The following WDR7 variants were observed in gnomAD, a reference collection of about 807,000 sequenced individuals.
The protein encoded by WDR7 is WD repeat-containing protein 7.
A neutral mutation model predicts 169.4 loss-of-function variants in WDR7; 46 were observed. That is an observed-to-expected ratio of 0.27 (90% CI 0.21 to 0.35). The LOEUF is 0.35. Among genes scored for constraint, WDR7 ranks in the 10% least tolerant of loss-of-function variants. The probability of loss-of-function intolerance (pLI) is 1.00; values close to 1 mark genes in which losing one functional copy is unlikely to be tolerated. For missense variants in WDR7, 1,534 were observed against 1,859.3 expected, an observed-to-expected ratio of 0.83 and a Z score of 3.22; for synonymous variants, 612 against 666.8, an observed-to-expected ratio of 0.92 and a Z score of 1.27.
At position 57,028,771 on chromosome 18, in the gene WDR7, T is replaced by C. The variant is rs2048404586; in HGVS notation, c.*1564T>C. Reference sequence around the variant, plus strand: ...GACCATTAGATCATCTCTTTCATAATGATATGATGTTATTTCCATTGACGG... The same window carrying C: ...GACCATTAGATCATCTCTTTCATAACGATATGATGTTATTTCCATTGACGG... On this transcript the variant is annotated 3_prime_UTR_variant, in exon 28 of 28. Coordinates refer to ENST00000254442, the MANE Select transcript of WDR7 (RefSeq NM_015285.3). 1 of 152,654 alleles carries C rather than the reference T, an allele frequency of 6.6e-6. No homozygotes were observed. 9.5% of individuals were successfully genotyped at this position (152,654 alleles called of 1,614,324 possible).
chr18:56,825,907 T>G (rs2045194353), intron 20 of WDR7, among the ~76,000 whole-genome samples: 1 of 152,208 alleles, frequency 6.6e-6, no homozygotes, highest in South Asian at 2.1e-4. Flanking sequence ...CACACATAAA[T>G]ACACCAACAC....
At chr18:56,927,668 A>G (rs1180208427) in intron 22 of WDR7, among the ~76,000 whole-genome samples, 1 of 152,126 alleles carries the variant, frequency 6.6e-6, no homozygotes, top group East Asian at 1.9e-4. Flanking sequence ...TAGAAACATG[A>G]TATGCAACTT....
intron 26 of WDR7, among the ~76,000 whole-genome samples, chr18:57,006,393 G>A (rs2048058677): frequency 1.3e-5 from 2 of 151,508 alleles, no homozygotes; most frequent in South Asian, 4.2e-4. Context: ...TTGTGTTATT[G>A]ATTTTCACCT....
Position 56,816,104 on chromosome 18 carries a change from GGAGGAA to G in WDR7, c.3268_3273del (p.Glu1090_Glu1091del). On this transcript the variant is annotated inframe_deletion, in exon 20 of 28. Transcript: ENST00000254442. Reference sequence around the variant, plus strand: ...CCTCAGGGCCTGAAGCAAAAGTCCAGGAGGAAGAGCATGACCTTGTTGACGATGACA... The same window carrying G: ...CCTCAGGGCCTGAAGCAAAAGTCCAGGAGCATGACCTTGTTGACGATGACA... The G allele has an allele frequency of 6.2e-7, 1 of 1,613,870 alleles. No individual in the cohort carries two copies.
chr18:56,949,561 C>T (rs568568699), intron 25 of WDR7, among the ~76,000 whole-genome samples: 3 of 152,168 alleles, frequency 2.0e-5, no homozygotes, highest in East Asian at 1.9e-4. Flanking sequence ...CTTGCGCAGA[C>T]GTGTAGTTGA....
chr18:56,675,095 A>T (rs2025216487), intron 2 of WDR7, among the ~76,000 whole-genome samples: 1 of 152,192 alleles, frequency 6.6e-6, no homozygotes, highest in Admixed American at 6.5e-5. Flanking sequence ...GTTGTTTTAT[A>T]TACTCACTGT....
At chr18:56,750,617 T>C (rs1276553262) in intron 14 of WDR7, among the ~76,000 whole-genome samples, 1 of 152,206 alleles carries the variant, frequency 6.6e-6, no homozygotes, top group African/African-American at 2.4e-5. Flanking sequence ...GGAAACATAC[T>C]AAGCTTCCTG....
At chr18:56,906,597 G>T (rs2145584127) in intron 21 of WDR7, among the ~76,000 whole-genome samples, 1 of 143,780 alleles carries the variant, frequency 7.0e-6, no homozygotes, top group East Asian at 2.0e-4. Flanking sequence ...AGGCTGGAAT[G>T]CAATGGCATG....
At chr18:56,983,568 C>CAGAG (rs749831335) in intron 26 of WDR7, among the ~76,000 whole-genome samples, 12 of 145,196 alleles carry the variant, frequency 8.3e-5, no homozygotes, top group Non-Finnish European at 1.2e-4. Context: ...CACACACACA[C>CAGAG]ACAGAGAGAG....
intron 21 of WDR7, among the ~76,000 whole-genome samples, chr18:56,885,657 TAAAAAAA>T (rs56039100): frequency 6.8e-6 from 1 of 146,546 alleles, no homozygotes. Context: ...CTGTCTCTAC[TAAAAAAA>T]AAAATACAGA....
At chr18:56,797,811 AT>A (rs1205914136) in intron 19 of WDR7, among the ~76,000 whole-genome samples, 1 of 152,172 alleles carries the variant, frequency 6.6e-6, no homozygotes, top group Non-Finnish European at 1.5e-5. Flanking sequence ...AACAAATTGT[AT>A]TTTGCACATA....
At chr18:56,784,511 ATAAG>A (rs949575999) in intron 19 of WDR7, among the ~76,000 whole-genome samples, 2 of 152,196 alleles carry the variant, frequency 1.3e-5, no homozygotes, top group Non-Finnish European at 1.5e-5. Flanking sequence ...GCTCCCACTT[ATAAG>A]TGAGAACGTA....
chr18:56,730,800 A>AAATG (rs1271055718), intron 13 of WDR7, among the ~76,000 whole-genome samples: 1 of 152,016 alleles, frequency 6.6e-6, no homozygotes, highest in Admixed American at 6.6e-5. Flanking sequence ...ATAAATAAAT[A>AAATG]AGTAAAGTAG....
chr18:56,930,673 A>G (rs2046872121), intron 22 of WDR7, among the ~76,000 whole-genome samples: 1 of 152,332 alleles, frequency 6.6e-6, no homozygotes, highest in Non-Finnish European at 1.5e-5. Flanking sequence ...TTAGCCAGGA[A>G]GGAATAAAAT....
chr18:56,924,198 G>A (rs1349022829), intron 22 of WDR7, 90 bp downstream of exon 22: 3 of 1,420,190 alleles, frequency 2.1e-6, no homozygotes, highest in African/African-American at 1.5e-5. Context: ...TGTATAGATT[G>A]TGCATGTTTA....
At chr18:56,876,444 A>G (rs1318804839) in intron 20 of WDR7, among the ~76,000 whole-genome samples, 4 of 152,210 alleles carry the variant, frequency 2.6e-5, no homozygotes, top group Admixed American at 2.6e-4. Flanking sequence ...ACTAGGCTCA[A>G]AAAAGATATC....
intron 19 of WDR7, among the ~76,000 whole-genome samples, chr18:56,790,612 A>G (rs1361943372): frequency 6.6e-6 from 1 of 152,134 alleles, no homozygotes; most frequent in Non-Finnish European, 1.5e-5. Context: ...ATACCTAAAT[A>G]TCTTGCTTAA....
the WDR7 span, chr18:57,035,434 A>G: frequency 6.6e-6 from 1 of 152,432 alleles, no homozygotes; most frequent in Non-Finnish European, 1.5e-5. Flanking sequence ...GGTGGCTGAC[A>G]CTAAGAAGAA....
At chr18:56,883,001 T>C (rs2046132197) in intron 21 of WDR7, among the ~76,000 whole-genome samples, 1 of 151,938 alleles carries the variant, frequency 6.6e-6, no homozygotes, top group Non-Finnish European at 1.5e-5. Flanking sequence ...GGTGGGTGGA[T>C]CGGGAGGTCA....
Sources: allele counts gnomAD v4.1 joint callset (sites outside exome capture counted in the v4.1 genomes callset), GRCh38; gene constraint gnomAD v4.1.1; transcripts MANE v1.5; gene names NCBI Gene and HGNC (gene_info 2026-07-23, HGNC 2026-07-21).